Variants in TBCK observed in about 807,000 individuals in gnomAD.
The protein encoded by TBCK is TBC1 domain containing kinase, also known as TBC domain-containing protein kinase-like protein.
Under a neutral mutation model 113.4 loss-of-function variants are expected in TBCK, and 99 were observed. That is an observed-to-expected ratio of 0.87 (90% CI 0.74 to 1.03). TBCK has a LOEUF of 1.03. TBCK is among the 50% of genes least tolerant of loss of function. TBCK has a pLI of 0.00. For synonymous variants in TBCK, 369 were observed against 370.8 expected (o/e 1.00, Z 0.05); for missense variants, 1,045 against 1,061.3 (o/e 0.98, Z 0.21).
chr4:106,313,828 G>A (rs533415334), intron 1 of TBCK, among the ~76,000 whole-genome samples: 45 of 152,344 alleles, frequency 3.0e-4, no homozygotes, highest in African/African-American at 1.1e-3. Flanking sequence ...AAAGCAGAAA[G>A]GCAATTAAGA....
At chr4:106,298,361 C>A (rs1435816346) in intron 2 of TBCK, among the ~76,000 whole-genome samples, 1 of 151,994 alleles carries the variant, frequency 6.6e-6, no homozygotes, top group African/African-American at 2.4e-5. Context: ...CGCCTGTAAT[C>A]CCAGCACTTT....
At chr4:106,073,340 C>T (rs1737726426) in intron 25 of TBCK, among the ~76,000 whole-genome samples, 1 of 152,142 alleles carries the variant, frequency 6.6e-6, no homozygotes, top group African/African-American at 2.4e-5. Flanking sequence ...GTTAGTCTTC[C>T]TTCTAACAGG....
chr4:106,219,389 T>G (rs1199102972), intron 19 of TBCK, among the ~76,000 whole-genome samples: 1 of 143,498 alleles, frequency 7.0e-6, no homozygotes, highest in Non-Finnish European at 1.5e-5. Context: ...AATAAAAAAA[T>G]AAAAAATAAA....
rs140555257 is a variant in TBCK, at chr4:106,188,923, A to G, written c.2059+4686T>C. Among the ~76,000 whole-genome samples, 180 of 152,218 alleles carry G rather than the reference A, an allele frequency of 1.2e-3. 1 individual carries two copies. The highest frequency in any genetic ancestry group is 4.0e-3 in the African/African-American group (168 of 41,548). Reference sequence around the variant, plus strand: ...CTGGCTGCTATTTTCATGACCATTTATTAGCTTGGAGGTGATGTATTGTAA... The same window carrying G: ...CTGGCTGCTATTTTCATGACCATTTGTTAGCTTGGAGGTGATGTATTGTAA... On this transcript the variant is annotated intron_variant, in intron 22 of 25. Coordinates refer to ENST00000394708, the MANE Select transcript of TBCK (RefSeq NM_001163435.3).
At chr4:106,051,402 A>T (rs909746044) in intron 25 of TBCK, among the ~76,000 whole-genome samples, 1 of 151,924 alleles carries the variant, frequency 6.6e-6, no homozygotes, top group Admixed American at 6.6e-5. Context: ...GAAGTCTTTT[A>T]TCTCTTCCAT....
chr4:106,167,098 G>A (rs1750459294), intron 23 of TBCK, among the ~76,000 whole-genome samples: 1 of 147,832 alleles, frequency 6.8e-6, no homozygotes, highest in Non-Finnish European at 1.5e-5. Flanking sequence ...GGGTGTGTGT[G>A]TGTGTATTAT....
At chr4:106,280,793 CT>C (rs1764512928) in intron 3 of TBCK, among the ~76,000 whole-genome samples, 1 of 151,996 alleles carries the variant, frequency 6.6e-6, no homozygotes, top group South Asian at 2.1e-4. Flanking sequence ...GCATATGTGT[CT>C]ATTTTTATGC....
intron 23 of TBCK, among the ~76,000 whole-genome samples, chr4:106,166,956 C>T (rs1159385152): frequency 6.6e-6 from 1 of 150,624 alleles, no homozygotes; most frequent in African/African-American, 2.4e-5. Flanking sequence ...AAATTAGAAG[C>T]ATTTTCATTA....
chr4:106,117,775 T>A (rs879191047), intron 23 of TBCK, among the ~76,000 whole-genome samples: 6 of 152,088 alleles, frequency 3.9e-5, no homozygotes, highest in Admixed American at 3.3e-4. Context: ...TTTGGGAGGC[T>A]GAAGTGGGTG....
At chr4:106,146,674 G>T (rs1225613895) in intron 23 of TBCK, among the ~76,000 whole-genome samples, 1 of 152,118 alleles carries the variant, frequency 6.6e-6, no homozygotes, top group Non-Finnish European at 1.5e-5. Context: ...GCTGGTGGAC[G>T]GTCTTGCCTC....
intron 22 of TBCK, among the ~76,000 whole-genome samples, chr4:106,186,767 T>G (rs1753070974): frequency 6.6e-6 from 1 of 152,190 alleles, no homozygotes; most frequent in Non-Finnish European, 1.5e-5. Flanking sequence ...TTGTTTCTGT[T>G]GCAATTGCAA....
At chr4:106,267,729 G>C (rs554661825) in intron 3 of TBCK, among the ~76,000 whole-genome samples, 1 of 151,874 alleles carries the variant, frequency 6.6e-6, no homozygotes, top group Non-Finnish European at 1.5e-5. Flanking sequence ...TTTTCAACAT[G>C]GCTCAATAAA....
At chr4:106,158,945 T>A (rs1212846113) in intron 23 of TBCK, among the ~76,000 whole-genome samples, 1 of 151,688 alleles carries the variant, frequency 6.6e-6, no homozygotes, top group Admixed American at 6.6e-5. Context: ...TTATACAGCA[T>A]GATCAATTGG....
chr4:106,245,648 A>C (rs1436199491), intron 10 of TBCK, among the ~76,000 whole-genome samples: 2 of 152,276 alleles, frequency 1.3e-5, no homozygotes, highest in East Asian at 3.9e-4. Flanking sequence ...TTTTGTAATA[A>C]TTTGAATGCT....
rs556938923 is a variant in TBCK at position 106,221,327 on chromosome 4, A to G, written c.1775-8492T>C. Among the ~76,000 whole-genome samples, 60 of 152,304 alleles carry G rather than the reference A, an allele frequency of 3.9e-4. No individual in the cohort carries two copies. In the South Asian group the frequency reaches 0.012, roughly 30 times the overall value. The stretch of plus-strand genomic sequence containing the variant: ...TTATATGTTATAACTGCATATACAT[A>G]TATATACACACACACACAGACATAA... On this transcript the variant is annotated intron_variant, in intron 19 of 25. Coordinates refer to ENST00000394708, the MANE Select transcript of TBCK (RefSeq NM_001163435.3).
chr4:106,316,425 G>C, upstream of TBCK: 1 of 973,214 alleles, frequency 1.0e-6, no homozygotes, highest in South Asian at 1.4e-5. Context: ...CAGGTTAATG[G>C]GACTGAGCAC....
chr4:106,084,046 G>T (rs142851976), intron 25 of TBCK, among the ~76,000 whole-genome samples: 1 of 152,092 alleles, frequency 6.6e-6, no homozygotes, highest in Non-Finnish European at 1.5e-5. Context: ...CCAAATGATC[G>T]CAGTGTCTCT....
chr4:106,116,172 C>T, intron 24 of TBCK, 31 bp downstream of exon 24: 1 of 1,603,354 alleles, frequency 6.2e-7, no homozygotes, highest in Non-Finnish European at 8.5e-7. Context: ...TAAGCAGTAC[C>T]ACCCTTTAAA....
intron 23 of TBCK, among the ~76,000 whole-genome samples, chr4:106,117,505 G>A (rs1743668130): frequency 6.6e-6 from 1 of 152,106 alleles, no homozygotes; most frequent in Admixed American, 6.5e-5. Flanking sequence ...AAGACTCCAG[G>A]CTATCAAACC....
Sources: gnomAD v4.1 joint callset for allele counts (sites outside exome capture counted in the v4.1 genomes callset) on GRCh38, gnomAD v4.1.1 for gene constraint, MANE v1.5 for transcripts, NCBI Gene and HGNC (gene_info 2026-07-23, HGNC 2026-07-21) for gene names.